PRORP: variants seen among roughly 807,000 people sequenced by gnomAD.
PRORP encodes protein only RNase P catalytic subunit.
A neutral mutation model predicts 59.4 loss-of-function variants in PRORP; 51 were observed. The observed-to-expected ratio is 0.86, with a 90% CI of 0.69 to 1.08. The LOEUF (loss-of-function observed/expected upper bound fraction) is 1.08. Ranked by LOEUF, PRORP falls within the 50% of genes least tolerant of loss-of-function variation. PRORP has a pLI of 0.00. For missense variants in PRORP, 646 were observed against 690.3 expected (o/e 0.94, Z 0.72); for synonymous variants, 231 against 245.6 (o/e 0.94, Z 0.55).
Position 35,123,356 on chromosome 14 carries a change from T to C in PRORP, c.111T>C (p.Cys37=). ...SYVSLFLADR[C]GIRNQQRLFS... ...TCTCGCTGTTTCTGGCAGACCGCTG[T>C]GGCATCAGGAACCAGCAGAGGTTGT... Residue 37 remains cysteine, a synonymous_variant, in exon 2 of 8, where the codon TGT becomes TGC. Coordinates refer to ENST00000534898, the MANE Select transcript of PRORP (RefSeq NM_014672.4). The C allele has an allele frequency of 6.2e-7, 1 of 1,614,146 alleles. No homozygotes were observed. Among genetic ancestry groups the C allele is most frequent in the South Asian group, 1.1e-5 (1 of 91,092 alleles).
chr14:35,214,694 G>A (rs891158263), intron 5 of PRORP, among the ~76,000 whole-genome samples: 2 of 152,148 alleles, frequency 1.3e-5, no homozygotes, highest in Non-Finnish European at 2.9e-5. Flanking sequence ...ATCATCTGAG[G>A]CCAGGAGTTC....
In PRORP at chr14:35,139,420, C is replaced by T. The variant is rs919718032; in HGVS notation, c.1167+11809C>T. On this transcript the variant is annotated intron_variant, in intron 4 of 7. Transcript: ENST00000534898. ...CATATGGATCACCCCCAAAAGTTTC[C>T]TCATGCCATTTTGTAATGACTCCCT... Among the ~76,000 whole-genome samples, 5 of 145,476 alleles carry T rather than the reference C, an allele frequency of 3.4e-5. 1 individual carries two copies. The Admixed American group carries it at 3.6e-4, about 10-fold the overall frequency.
chr14:35,131,410 C>T (rs1004192863), intron 4 of PRORP, among the ~76,000 whole-genome samples: 1 of 152,294 alleles, frequency 6.6e-6, no homozygotes, highest in East Asian at 1.9e-4. Context: ...GTTTTTCCTT[C>T]AGCACTTTAA....
At position 35,123,351 on chromosome 14, in the gene PRORP, C is replaced by G; in HGVS notation, c.106C>G (p.Arg36Gly). The change falls in exon 2 of 8, where the codon CGC (arginine) becomes GGC (glycine). Residue 36 changes from arginine to glycine, a missense_variant. Physicochemically the swap from Arg to Gly is moderately radical, Grantham distance 125. Transcript: ENST00000534898. The part of the protein sequence containing the change: ...HSYVSLFLAD[R>G]CGIRNQQRLF... ...TTATGTCTCGCTGTTTCTGGCAGAC[C>G]GCTGTGGCATCAGGAACCAGCAGAG... The G allele has an allele frequency of 3.7e-6, 6 of 1,614,026 alleles. No homozygotes were observed. Among genetic ancestry groups the G allele is most frequent in the Non-Finnish European group, 5.1e-6 (6 of 1,180,026 alleles).
rs1158552433 is a variant in PRORP at position 35,274,451 on chromosome 14, C to A, written c.*885C>A. ...TCACTTGAGTCTAGGAGTTCAAGAC[C>A]AGCCTAGGCAACATAGTAAGATCTC... is the stretch of plus-strand genomic sequence containing the variant. On this transcript the variant is annotated 3_prime_UTR_variant, in exon 8 of 8. Coordinates refer to ENST00000534898, the MANE Select transcript of PRORP (RefSeq NM_014672.4). 1 of 152,000 alleles carries A rather than the reference C, an allele frequency of 6.6e-6. No homozygotes were observed. Among genetic ancestry groups the A allele is most frequent in the Non-Finnish European group, 1.5e-5 (1 of 68,028 alleles). The allele number at this position is 152,000 out of a possible 1,614,324, so 9.4% of individuals were successfully genotyped here.
At chr14:35,241,314 G>A (rs1052604091) in intron 5 of PRORP, among the ~76,000 whole-genome samples, 1 of 152,114 alleles carries the variant, frequency 6.6e-6, no homozygotes, top group Admixed American at 6.5e-5. Flanking sequence ...GGAAGCAGAG[G>A]TTGCAGTGAG....
intron 4 of PRORP, among the ~76,000 whole-genome samples, chr14:35,174,939 A>G (rs1163353717): frequency 3.4e-5 from 4 of 117,678 alleles, no homozygotes; most frequent in Non-Finnish European, 4.8e-5. Context: ...TCCCCTTCCT[A>G]TGTCCAAGTG....
chr14:35,189,280 C>T (rs1271916445), intron 5 of PRORP, among the ~76,000 whole-genome samples: 8 of 151,996 alleles, frequency 5.3e-5, no homozygotes, highest in Admixed American at 5.3e-4. Context: ...GCCATGTTGT[C>T]CAGGCTAGTC....
Position 35,180,718 on chromosome 14 carries a change from G to T in PRORP, c.1216G>T (p.Val406Phe). The T allele has an allele frequency of 6.2e-7, 1 of 1,613,296 alleles. No individual in the cohort carries two copies. The highest frequency in any genetic ancestry group is 1.3e-5 in the African/African-American group (1 of 75,006). ...CATAAAATCTCGTCCTCCTTTTGATGTTGTCATTGATGGTCTCAATGTTGC... is the reference window on the plus strand; with the variant it reads ...CATAAAATCTCGTCCTCCTTTTGATTTTGTCATTGATGGTCTCAATGTTGC... ...NFIKSRPPFD[V>F]VIDGLNVAKM... The change falls in exon 5 of 8, where the codon GTT (valine) becomes TTT (phenylalanine). Residue 406 changes from valine (V) to phenylalanine (F), a missense_variant. By Grantham distance (50) the Val-to-Phe change is conservative (BLOSUM62 -1). Transcript: ENST00000534898.
chr14:35,134,473 C>T (rs1039990406), intron 4 of PRORP, among the ~76,000 whole-genome samples: 1 of 152,208 alleles, frequency 6.6e-6, no homozygotes, highest in Admixed American at 6.5e-5. Context: ...GCTGCTTATT[C>T]AGGGCCCAAG....
At chr14:35,170,819 C>T (rs2048295934) in intron 4 of PRORP, among the ~76,000 whole-genome samples, 1 of 151,798 alleles carries the variant, frequency 6.6e-6, no homozygotes, top group Non-Finnish European at 1.5e-5. Flanking sequence ...GAAGAAATTG[C>T]TTTAGCATTT....
At position 35,189,447 on chromosome 14, in the gene PRORP, T is replaced by A. The variant is rs1419555136; in HGVS notation, c.1275+8670T>A. Among the ~76,000 whole-genome samples the A allele has an allele frequency of 4.4e-4, 66 of 149,584 alleles. No homozygotes were observed. In the Admixed American group the frequency reaches 4.5e-3, roughly 10 times the overall value. On this transcript the variant is annotated intron_variant, in intron 5 of 7. Coordinates refer to ENST00000534898, the MANE Select transcript of PRORP (RefSeq NM_014672.4). Reference sequence around the variant, plus strand: ...ATTCTGAGCTTTTTTTTTTTTTTTTTAAAGAAGAGGGAAGGATTCTGAGTG... The same window carrying A: ...ATTCTGAGCTTTTTTTTTTTTTTTTAAAAGAAGAGGGAAGGATTCTGAGTG...
chr14:35,176,939 T>C (rs2139020901), intron 4 of PRORP, among the ~76,000 whole-genome samples: 1 of 152,160 alleles, frequency 6.6e-6, no homozygotes, highest in African/African-American at 2.4e-5. Context: ...TTATTGAGAG[T>C]TTTTAGCGTG....
intron 5 of PRORP, among the ~76,000 whole-genome samples, chr14:35,218,562 T>C (rs1284982036): frequency 1.1e-4 from 16 of 141,658 alleles, no homozygotes; most frequent in African/African-American, 3.8e-4. Context: ...AGTCTTGCTC[T>C]GTTGCCCAGG....
In PRORP at chr14:35,124,156, T is replaced by C; in HGVS notation, c.911T>C (p.Ile304Thr). ...DDNYSNKLLD[I>T]LSYLRNNQLY... ...AACTATTCAAATAAACTACTAGATA[T>C]TCTTTCATATCTAAGAAATAATCAG... is the stretch of plus-strand genomic sequence containing the variant. Residue 304 changes from isoleucine (I) to threonine (T), a missense_variant, in exon 2 of 8, where the codon ATT (isoleucine) becomes ACT (threonine). Coordinates refer to ENST00000534898, the MANE Select transcript of PRORP (RefSeq NM_014672.4). 1 of 1,605,932 alleles carries C rather than the reference T, an allele frequency of 6.2e-7. No homozygotes were observed.
At chr14:35,132,784 CA>C (rs142694889) in intron 4 of PRORP, among the ~76,000 whole-genome samples, 22,967 of 72,116 alleles carry the variant, frequency 0.32, 1,680 homozygotes, top group East Asian at 0.47. Context: ...GAGACTCCAT[CA>C]AAAAAAAAAA....
rs528923425 is a variant in PRORP at position 35,248,496 on chromosome 14, G to A, written c.1276-18231G>A. On this transcript the variant is annotated intron_variant, in intron 5 of 7. Transcript: ENST00000534898. Reference sequence around the variant, plus strand: ...CTGTTGTATGGTATATAGCTCTGAAGTAGTTCCAGCAAGACAATATGATCA... The same window carrying A: ...CTGTTGTATGGTATATAGCTCTGAAATAGTTCCAGCAAGACAATATGATCA... 4.5e-4 allele frequency among the ~76,000 whole-genome samples: 68 copies of A among 152,328 alleles called. 1 individual carries two copies. In the South Asian group the frequency reaches 0.014, roughly 31 times the overall value.
rs1594367809 is a variant in PRORP, at chr14:35,273,801, A to G, written c.*235A>G. 1 of 305,158 alleles carries G rather than the reference A, an allele frequency of 3.3e-6. No homozygotes were observed. Among genetic ancestry groups the G allele is most frequent in the Non-Finnish European group, 6.0e-6 (1 of 166,620 alleles). The allele number at this position is 305,158 out of a possible 1,614,324, so 18.9% of individuals were successfully genotyped here. A position where few individuals can be genotyped will look rare whatever the true frequency, so the allele number is the denominator to read the frequency against. ...TATCAAGAGTTGGAGAACTTAGTGT[A>G]GAGCAAAACCTGCATTTCTCCTACT... On this transcript the variant is annotated 3_prime_UTR_variant, in exon 8 of 8. Transcript: ENST00000534898.
chr14:35,178,311 C>T (rs1213655711), intron 4 of PRORP, among the ~76,000 whole-genome samples: 1 of 152,150 alleles, frequency 6.6e-6, no homozygotes, highest in Non-Finnish European at 1.5e-5. Context: ...TAACTTCTGT[C>T]TCGTTGATCT....
Sources: gnomAD v4.1 joint callset for allele counts (sites outside exome capture counted in the v4.1 genomes callset) on GRCh38, gnomAD v4.1.1 for gene constraint, MANE v1.5 for transcripts, NCBI Gene and HGNC (gene_info 2026-07-23, HGNC 2026-07-21) for gene names.